Variants in EVC observed in about 807,000 individuals in gnomAD.
EVC encodes EvC ciliary complex subunit 1, also known as evC complex member EVC.
In EVC, 116 loss-of-function variants were observed where a neutral mutation model predicts 118.9. That is an observed-to-expected ratio of 0.98 (90% CI 0.84 to 1.14). The LOEUF (loss-of-function observed/expected upper bound fraction) is 1.14. Among genes scored for constraint, EVC ranks in the 50% most tolerant of loss-of-function variants. The pLI is 0.00. For missense variants in EVC, 1,401 were observed against 1,246.4 expected (o/e 1.12, Z -1.87); for synonymous variants, 619 against 534.7 (o/e 1.16, Z -2.18).
At chr4:5,824,536 C>G in the EVC span, 1 of 984,508 alleles carries the variant, frequency 1.0e-6, no homozygotes, top group Non-Finnish European at 1.2e-6. Flanking sequence ...CTAAGCATAT[C>G]GCCTTTCCTG....
chr4:5,796,016 C>T (rs1036583932), intron 13 of EVC, among the ~76,000 whole-genome samples: 6 of 151,814 alleles, frequency 4.0e-5, no homozygotes, highest in East Asian at 1.9e-4. Context: ...TTTTCTTCTC[C>T]GTGGTTCAGC....
At chr4:5,802,210 C>A in intron 16 of EVC, 116 bp downstream of exon 16, 2 of 1,415,766 alleles carry the variant, frequency 1.4e-6, no homozygotes, top group Non-Finnish European at 2.0e-6. Context: ...ATAATTATTT[C>A]AGTGTTTTAA....
intron 11 of EVC, among the ~76,000 whole-genome samples, chr4:5,782,101 G>T (rs1735681981): frequency 6.6e-6 from 1 of 152,032 alleles, no homozygotes; most frequent in Non-Finnish European, 1.5e-5. Context: ...TTTTTGAGAT[G>T]GAGTCTCTCT....
chr4:5,788,057 C>G (rs1712039825), intron 12 of EVC, among the ~76,000 whole-genome samples: 1 of 152,156 alleles, frequency 6.6e-6, no homozygotes, highest in African/African-American at 2.4e-5. Flanking sequence ...TTTCTGAACA[C>G]TGGAGAGCCC....
chr4:5,790,055 C>T (rs1712466421), intron 12 of EVC, among the ~76,000 whole-genome samples: 1 of 151,872 alleles, frequency 6.6e-6, no homozygotes. Flanking sequence ...GTGACATGCA[C>T]CAGTAATCCC....
the EVC span, among the ~76,000 whole-genome samples, chr4:5,819,422 G>A: frequency 6.6e-6 from 1 of 152,210 alleles, no homozygotes; most frequent in African/African-American, 2.4e-5. Flanking sequence ...TAAAAGGAGT[G>A]TTGCAGCTCA....
chr4:5,828,742 G>A, the EVC span: 2 of 1,526,752 alleles, frequency 1.3e-6, no homozygotes, highest in Non-Finnish European at 1.8e-6. Context: ...CAGCGATTTT[G>A]CCTAACATTA....
chr4:5,728,790 G>C (rs914685808), intron 2 of EVC, among the ~76,000 whole-genome samples: 4 of 152,172 alleles, frequency 2.6e-5, no homozygotes, highest in African/African-American at 9.7e-5. Context: ...TATTCTGTGT[G>C]TTTGCTTTTT....
At chr4:5,783,493 C>G in intron 11 of EVC, 59 bp from the exon 12 acceptor site, 2 of 1,538,498 alleles carry the variant, frequency 1.3e-6, no homozygotes, top group South Asian at 1.1e-5. Flanking sequence ...GAGAGCAGCT[C>G]AGGCCCCACA....
chr4:5,711,802 C>G (rs1240553244), intron 1 of EVC, among the ~76,000 whole-genome samples: 1 of 152,196 alleles, frequency 6.6e-6, no homozygotes, highest in Non-Finnish European at 1.5e-5. Flanking sequence ...TGACAGCAGC[C>G]CAACTGCGCC....
chr4:5,804,600 T>C, intron 16 of EVC, 130 bp from the exon 17 acceptor site: 1 of 763,386 alleles, frequency 1.3e-6, no homozygotes, highest in Non-Finnish European at 2.3e-6. Flanking sequence ...CCTGTCCCTG[T>C]GCTGGTGGAA....
chr4:5,780,343 A>G (rs1226638230), intron 11 of EVC, among the ~76,000 whole-genome samples: 4 of 152,230 alleles, frequency 2.6e-5, no homozygotes, highest in African/African-American at 4.8e-5. Context: ...TTAAAAAAAC[A>G]ATTATCCATG....
intron 1 of EVC, among the ~76,000 whole-genome samples, chr4:5,714,497 T>G (rs1462079219): frequency 2.0e-3 from 9 of 4,520 alleles, no homozygotes; most frequent in African/African-American, 0.011. Flanking sequence ...CTGCTTGCAT[T>G]TTTTTTTTTT....
chr4:5,799,285 G>A (rs1438065271), intron 15 of EVC, among the ~76,000 whole-genome samples: 1 of 152,198 alleles, frequency 6.6e-6, no homozygotes, highest in Non-Finnish European at 1.5e-5. Flanking sequence ...TCCTTATACT[G>A]ACAATAATCA....
intron 8 of EVC, among the ~76,000 whole-genome samples, chr4:5,751,999 A>G (rs931773579): frequency 5.3e-5 from 8 of 152,170 alleles, no homozygotes; most frequent in African/African-American, 1.7e-4. Context: ...TGACAGAACC[A>G]TCAGCATCTC....
At chr4:5,821,928 C>G in the EVC span, 10 of 1,129,848 alleles carry the variant, frequency 8.9e-6, no homozygotes, top group Non-Finnish European at 1.2e-5. The surrounding 1 kb of genome is among the most constrained non-coding windows in gnomAD (Gnocchi z 4.4). Context: ...GCCATGTACT[C>G]TGCCATGCAC....
chr4:5,828,856 C>G, the EVC span, among the ~76,000 whole-genome samples: 1 of 152,180 alleles, frequency 6.6e-6, no homozygotes, highest in South Asian at 2.1e-4. Context: ...AACAACTCAC[C>G]GTTGCGCATG....
chr4:5,758,024 G>T (rs1731439455), intron 11 of EVC: 22 of 700,912 alleles, frequency 3.1e-5, no homozygotes, highest in Middle Eastern at 4.6e-4. Context: ...CGCACAGTTG[G>T]TTAGGTCCTA....
At chr4:5,718,404 T>G (rs960303741) in intron 1 of EVC, among the ~76,000 whole-genome samples, 1 of 152,122 alleles carries the variant, frequency 6.6e-6, no homozygotes, top group African/African-American at 2.4e-5. Context: ...CACACCCATT[T>G]CTCCAGAGGG....
Sources: gnomAD v4.1 joint callset for allele counts (sites outside exome capture counted in the v4.1 genomes callset) on GRCh38, gnomAD v4.1.1 for gene constraint, Gnocchi (gnomAD v3.1) non-coding constraint, MANE v1.5 for transcripts, NCBI Gene and HGNC (gene_info 2026-07-23, HGNC 2026-07-21) for gene names.